Variants in EYA4 observed in about 807,000 individuals in gnomAD.
EYA4 encodes EYA transcriptional coactivator and phosphatase 4, also known as protein phosphatase EYA4.
EYA4 carries 31 observed loss-of-function variants against 87.9 expected under a neutral mutation model. That is an observed-to-expected ratio of 0.35 (90% CI 0.27 to 0.48). EYA4 has a LOEUF of 0.48. Among genes scored for constraint, EYA4 ranks in the 20% least tolerant of loss-of-function variants. EYA4 has a pLI of 0.99. For synonymous variants in EYA4, 263 were observed against 270.6 expected (o/e 0.97, Z 0.28); for missense variants, 678 against 761.4 (o/e 0.89, Z 1.29).
At chr6:133,505,776 T>A (rs1798551549) in intron 13 of EYA4, among the ~76,000 whole-genome samples, 1 of 152,204 alleles carries the variant, frequency 6.6e-6, no homozygotes, top group Admixed American at 6.6e-5. Flanking sequence ...AATACCTTTC[T>A]CCAGAATACT....
chr6:133,518,873 G>C (rs1372472318), intron 17 of EYA4, among the ~76,000 whole-genome samples: 2 of 151,916 alleles, frequency 1.3e-5, no homozygotes, highest in Non-Finnish European at 2.9e-5. Context: ...CATGGAAACT[G>C]AACAACCTGC....
chr6:133,376,709 A>G (rs1023120238), intron 2 of EYA4, among the ~76,000 whole-genome samples: 4 of 151,972 alleles, frequency 2.6e-5, no homozygotes, highest in Admixed American at 2.6e-4. Context: ...ATTAAGATTG[A>G]TTTTTATATA....
In EYA4 at chr6:133,531,235, T is replaced by C. The variant is rs1800992042; in HGVS notation, c.*2430T>C. ...AGAGGCTGCCGGCATAAAACCTAAATGCAAGGTTGACGGAGAACAGCTTGT... is the reference window on the plus strand; with the variant it reads ...AGAGGCTGCCGGCATAAAACCTAAACGCAAGGTTGACGGAGAACAGCTTGT... On this transcript the variant is annotated 3_prime_UTR_variant, in exon 20 of 20. Coordinates refer to ENST00000355286, the MANE Select transcript of EYA4 (RefSeq NM_004100.5). 2 of 1,531,748 alleles carry C rather than the reference T, an allele frequency of 1.3e-6. No individual in the cohort carries two copies. Among genetic ancestry groups the C allele is most frequent in the South Asian group, 1.2e-5 (1 of 83,952 alleles). The allele number at this position is 1,531,748 out of a possible 1,614,324, so 94.9% of individuals were successfully genotyped here.
chr6:133,308,594 A>G (rs1779984839), intron 2 of EYA4, among the ~76,000 whole-genome samples: 1 of 152,084 alleles, frequency 6.6e-6, no homozygotes, highest in African/African-American at 2.4e-5. Flanking sequence ...CTTTGTGTCC[A>G]TGAGTACCCA....
chr6:133,510,395 G>A (rs1438013806), intron 14 of EYA4: 4 of 277,846 alleles, frequency 1.4e-5, no homozygotes, highest in Non-Finnish European at 2.2e-5. Flanking sequence ...TTCAGTCTAC[G>A]GACTTTCCAA....
At chr6:133,489,397 A>T (rs539638180) in intron 13 of EYA4, among the ~76,000 whole-genome samples, 1 of 152,270 alleles carries the variant, frequency 6.6e-6, no homozygotes, top group South Asian at 2.1e-4. Context: ...ATCCACATGC[A>T]AGAAGGTTCT....
chr6:133,446,212 G>T (rs1241069625), intron 3 of EYA4, among the ~76,000 whole-genome samples: 1 of 151,990 alleles, frequency 6.6e-6, no homozygotes, highest in Non-Finnish European at 1.5e-5. Context: ...AGGAGGGTGG[G>T]TATGCATATC....
intron 6 of EYA4, among the ~76,000 whole-genome samples, chr6:133,460,868 G>T (rs187811604): frequency 6.6e-6 from 1 of 152,254 alleles, no homozygotes; most frequent in East Asian, 1.9e-4. Context: ...GCATGCTAAT[G>T]ATTTGAGAAA....
chr6:133,336,176 T>C (rs1782351494), intron 2 of EYA4, among the ~76,000 whole-genome samples: 1 of 152,134 alleles, frequency 6.6e-6, no homozygotes, highest in South Asian at 2.1e-4. Context: ...ATGCTAAAAT[T>C]GTTAGAGGAA....
At chr6:133,295,682 T>G (rs1778892824) in intron 2 of EYA4, among the ~76,000 whole-genome samples, 1 of 152,188 alleles carries the variant, frequency 6.6e-6, no homozygotes, top group Non-Finnish European at 1.5e-5. Flanking sequence ...AAGGTTAGGA[T>G]TTTGCCCAAA....
intron 2 of EYA4, chr6:133,325,473 A>G (rs2128367798): frequency 6.6e-6 from 1 of 152,316 alleles, no homozygotes; most frequent in East Asian, 1.9e-4. Context: ...GAACTGAAAT[A>G]TCATCTTATT....
At chr6:133,514,124 C>A (rs893413945) in intron 16 of EYA4, among the ~76,000 whole-genome samples, 10 of 151,992 alleles carry the variant, frequency 6.6e-5, no homozygotes, top group Non-Finnish European at 1.5e-4. Flanking sequence ...ATAATGTTAG[C>A]AACAAAAGGG....
intron 2 of EYA4, among the ~76,000 whole-genome samples, chr6:133,362,714 G>A (rs753514760): frequency 6.6e-6 from 1 of 152,172 alleles, no homozygotes; most frequent in Non-Finnish European, 1.5e-5. Flanking sequence ...AGCATTGCAT[G>A]GAATGAAAAT....
At chr6:133,440,686 A>T (rs1381186161) in intron 3 of EYA4, among the ~76,000 whole-genome samples, 2 of 152,236 alleles carry the variant, frequency 1.3e-5, no homozygotes, top group Admixed American at 1.3e-4. Flanking sequence ...GATGCTGTAC[A>T]AGCTAAAATT....
chr6:133,395,664 G>A (rs763993510), intron 3 of EYA4, among the ~76,000 whole-genome samples: 4 of 152,216 alleles, frequency 2.6e-5, no homozygotes, highest in Non-Finnish European at 5.9e-5. Context: ...AGCAGGCTGA[G>A]ACAGAAGAAT....
At chr6:133,475,215 C>G (rs1795619713) in intron 11 of EYA4, among the ~76,000 whole-genome samples, 1 of 152,052 alleles carries the variant, frequency 6.6e-6, no homozygotes, top group South Asian at 2.1e-4. Flanking sequence ...CATTTTACTT[C>G]ATTCTCTTTC....
At chr6:133,450,244 C>T (rs1793296323) in intron 5 of EYA4, among the ~76,000 whole-genome samples, 1 of 152,144 alleles carries the variant, frequency 6.6e-6, no homozygotes, top group Non-Finnish European at 1.5e-5. Context: ...CTCAGCCTCC[C>T]GAAGTGCTGG....
chr6:133,466,017 A>G (rs1794806080), intron 10 of EYA4, among the ~76,000 whole-genome samples: 1 of 152,142 alleles, frequency 6.6e-6, no homozygotes, highest in African/African-American at 2.4e-5. Context: ...TGGTCCAGCA[A>G]GCATTTATTG....
chr6:133,395,832 C>T (rs1787741224), intron 3 of EYA4, among the ~76,000 whole-genome samples: 1 of 152,140 alleles, frequency 6.6e-6, no homozygotes, highest in Non-Finnish European at 1.5e-5. Flanking sequence ...CCCAGCTTAC[C>T]CCATGTAGAG....
Sources: allele counts gnomAD v4.1 joint callset (sites outside exome capture counted in the v4.1 genomes callset), GRCh38; gene constraint gnomAD v4.1.1; transcripts MANE v1.5; gene names NCBI Gene and HGNC (gene_info 2026-07-23, HGNC 2026-07-21).